The following VWC2 variants were observed in gnomAD, a reference collection of about 807,000 sequenced individuals.
VWC2 encodes the protein von Willebrand factor C domain containing 2.
A neutral mutation model predicts 29.8 loss-of-function variants in VWC2; 14 were observed. The observed-to-expected ratio is 0.47, with a 90% CI of 0.31 to 0.74. The LOEUF (loss-of-function observed/expected upper bound fraction) is 0.74, where lower values mean the gene tolerates loss of function less well. VWC2 is among the 30% of genes least tolerant of loss of function. VWC2 has a pLI of 0.05. For synonymous variants in VWC2, 213 were observed against 199.0 expected (o/e 1.07, Z -0.59); for missense variants, 457 against 459.8 (o/e 0.99, Z 0.05).
intron 3 of VWC2, among the ~76,000 whole-genome samples, chr7:49,887,079 G>C (rs1791936311): frequency 6.6e-6 from 1 of 152,076 alleles, no homozygotes; most frequent in African/African-American, 2.4e-5. Context: ...CTTTGCACAT[G>C]AACATTAAAC....
In VWC2 at chr7:49,775,434, G is replaced by T; in HGVS notation, c.-2G>T. Reference sequence around the variant, plus strand: ...CGCCCGCCCGCCGGGACGTGGTAGGGGATGCCCAGCTCCACTGCGATGGCA... The same window carrying T: ...CGCCCGCCCGCCGGGACGTGGTAGGTGATGCCCAGCTCCACTGCGATGGCA... On this transcript the variant is annotated 5_prime_UTR_variant, in exon 2 of 4. Transcript: ENST00000340652. 2 of 1,401,862 alleles carry T rather than the reference G, an allele frequency of 1.4e-6. No individual in the cohort carries two copies. The highest frequency in any genetic ancestry group is 1.6e-5 in the South Asian group (1 of 62,358). 86.8% of individuals were successfully genotyped at this position (1,401,862 alleles called of 1,614,324 possible).
intron 3 of VWC2, among the ~76,000 whole-genome samples, chr7:49,871,950 CA>C (rs1791173364): frequency 9.9e-6 from 1 of 101,096 alleles, no homozygotes; most frequent in African/African-American, 4.7e-5. Context: ...CACACACACA[CA>C]CACACACCGA....
At position 49,775,399 on chromosome 7, in the gene VWC2, G is replaced by T. The variant is rs1382419377; in HGVS notation, c.-37G>T. The T allele has an allele frequency of 7.8e-7, 1 of 1,287,538 alleles. No homozygotes were observed. The highest frequency in any genetic ancestry group is 3.2e-5 in the East Asian group (1 of 31,548). 79.8% of individuals were successfully genotyped at this position (1,287,538 alleles called of 1,614,324 possible). ...TGAATGCGACTCGCCCCTCGGCCGC[G>T]CTCCCCGCCCGCCCGCCCGCCGGGA... is the stretch of plus-strand genomic sequence containing the variant. On this transcript the variant is annotated 5_prime_UTR_variant, in exon 2 of 4. Coordinates refer to ENST00000340652, the MANE Select transcript of VWC2 (RefSeq NM_198570.5).
At chr7:49,784,282 C>A (rs1160072631) in intron 2 of VWC2, among the ~76,000 whole-genome samples, 1 of 152,246 alleles carries the variant, frequency 6.6e-6, no homozygotes, top group Non-Finnish European at 1.5e-5. Flanking sequence ...ACTCCCTCCC[C>A]ATCCCTGACA....
At chr7:49,835,924 C>T (rs1789647117) in intron 3 of VWC2, among the ~76,000 whole-genome samples, 1 of 151,994 alleles carries the variant, frequency 6.6e-6, no homozygotes, top group Non-Finnish European at 1.5e-5. Flanking sequence ...GGTATCACGA[C>T]TAAATTTCTT....
intron 3 of VWC2, among the ~76,000 whole-genome samples, chr7:49,841,582 A>T (rs1789793531): frequency 6.6e-6 from 1 of 152,194 alleles, no homozygotes; most frequent in Non-Finnish European, 1.5e-5. Context: ...AGATTTCCTA[A>T]AATGCTTTGG....
intron 2 of VWC2, among the ~76,000 whole-genome samples, chr7:49,796,369 C>T (rs947085312): frequency 3.9e-5 from 6 of 152,160 alleles, no homozygotes; most frequent in Non-Finnish European, 7.4e-5. Context: ...CTCTAGCTGC[C>T]GAAAGCCAGT....
intron 2 of VWC2, among the ~76,000 whole-genome samples, chr7:49,788,757 TG>T (rs1562704811): frequency 2.2e-5 from 3 of 137,690 alleles, no homozygotes; most frequent in African/African-American, 8.8e-5. Context: ...GATGTGGGTG[TG>T]GGGGTGTGAG....
rs1244953226 is a variant in VWC2 at position 49,915,036 on chromosome 7, G to A, written c.*2851G>A. 1.3e-5 allele frequency: 2 copies of A among 152,152 alleles called. No homozygotes were observed. The highest frequency in any genetic ancestry group is 4.8e-5 in the African/African-American group (2 of 41,442). The allele number at this position is 152,152 out of a possible 1,614,324, so 9.4% of individuals were successfully genotyped here. ...CCATATTTAGATCTGAAAGTATAAA[G>A]CTACTTATGTAAGCAATAGAATGGT... On this transcript the variant is annotated 3_prime_UTR_variant, in exon 4 of 4. Coordinates refer to ENST00000340652, the MANE Select transcript of VWC2 (RefSeq NM_198570.5).
intron 2 of VWC2, among the ~76,000 whole-genome samples, chr7:49,789,204 GGTGTGT>G (rs143807454): frequency 1.0e-4 from 15 of 146,940 alleles, no homozygotes; most frequent in Non-Finnish European, 2.3e-4. Flanking sequence ...TGTGAGTGTG[GGTGTGT>G]GTGTGTGAGT....
At chr7:49,874,051 C>T (rs552507282) in intron 3 of VWC2, among the ~76,000 whole-genome samples, 1 of 151,706 alleles carries the variant, frequency 6.6e-6, no homozygotes, top group East Asian at 2.0e-4. Flanking sequence ...GCATACATGG[C>T]ATATTTTGCT....
At chr7:49,836,541 AGGC>A (rs1373595657) in intron 3 of VWC2, among the ~76,000 whole-genome samples, 1 of 151,524 alleles carries the variant, frequency 6.6e-6, no homozygotes, top group East Asian at 1.9e-4. Flanking sequence ...CCAGAGGCTG[AGGC>A]AGGAGAATTG....
intron 3 of VWC2, among the ~76,000 whole-genome samples, chr7:49,857,035 A>AAAAAAAAAAT (rs1790453465): frequency 7.2e-6 from 1 of 138,828 alleles, no homozygotes; most frequent in Non-Finnish European, 1.6e-5. Context: ...AAAAAAAAAA[A>AAAAAAAAAAT]AAAAAAGACG....
At chr7:49,850,214 A>G (rs1049796835) in intron 3 of VWC2, among the ~76,000 whole-genome samples, 1 of 152,192 alleles carries the variant, frequency 6.6e-6, no homozygotes, top group African/African-American at 2.4e-5. Flanking sequence ...TCTGTCATCA[A>G]TGAAGGTTTG....
At chr7:49,837,985 G>A (rs1789703646) in intron 3 of VWC2, among the ~76,000 whole-genome samples, 1 of 152,184 alleles carries the variant, frequency 6.6e-6, no homozygotes. Flanking sequence ...CCTGTACATT[G>A]ATGGGATAGT....
At chr7:49,893,521 C>T (rs1342629905) in intron 3 of VWC2, among the ~76,000 whole-genome samples, 8 of 152,198 alleles carry the variant, frequency 5.3e-5, no homozygotes, top group Middle Eastern at 3.4e-3. Context: ...TGATTTTGTA[C>T]TAGGTCCTTA....
At chr7:49,821,644 A>G (rs762951304) in intron 3 of VWC2, among the ~76,000 whole-genome samples, 3 of 152,170 alleles carry the variant, frequency 2.0e-5, no homozygotes, top group African/African-American at 4.8e-5. Flanking sequence ...TAGTAATTAA[A>G]AACAAATCTA....
intron 3 of VWC2, among the ~76,000 whole-genome samples, chr7:49,829,518 C>A (rs189244252): frequency 6.6e-6 from 1 of 152,208 alleles, no homozygotes; most frequent in Non-Finnish European, 1.5e-5. Flanking sequence ...CCCCTAATAT[C>A]CCCGTTCATT....
intron 3 of VWC2, among the ~76,000 whole-genome samples, chr7:49,877,474 AAAAAAAAATATAT>A (rs1411950335): frequency 8.6e-5 from 4 of 46,302 alleles, no homozygotes; most frequent in South Asian, 1.7e-3. Flanking sequence ...AAAAAAAAAA[AAAAAAAAATATAT>A]ATATATATAT....
Sources: gnomAD v4.1 joint callset for allele counts (sites outside exome capture counted in the v4.1 genomes callset) on GRCh38, gnomAD v4.1.1 for gene constraint, MANE v1.5 for transcripts, NCBI Gene and HGNC (gene_info 2026-07-23, HGNC 2026-07-21) for gene names.